MYRIP: variants seen among roughly 807,000 people sequenced by gnomAD.
MYRIP encodes the protein rab effector MyRIP.
MYRIP carries 49 observed loss-of-function variants against 98.0 expected under a neutral mutation model. That is an observed-to-expected ratio of 0.50 (90% CI 0.40 to 0.63). MYRIP has a LOEUF of 0.63. MYRIP is among the 30% of genes least tolerant of loss of function. The pLI, the probability that MYRIP is intolerant of heterozygous loss-of-function variation, is 0.00. For missense variants in MYRIP, 1,004 were observed against 1,058.2 expected (o/e 0.95, Z 0.71); for synonymous variants, 404 against 409.5 (o/e 0.99, Z 0.16).
chr3:40,031,601 A>G (rs1023314808), intron 2 of MYRIP, among the ~76,000 whole-genome samples: 1 of 152,144 alleles, frequency 6.6e-6, no homozygotes, highest in African/African-American at 2.4e-5. Context: ...CTACTGGCTT[A>G]GCGGATCTAC....
chr3:39,998,289 T>A (rs1273445420), intron 2 of MYRIP, among the ~76,000 whole-genome samples: 3 of 152,188 alleles, frequency 2.0e-5, no homozygotes, highest in African/African-American at 7.2e-5. Flanking sequence ...AACACCATCA[T>A]CTCAGCCCAA....
intron 2 of MYRIP, among the ~76,000 whole-genome samples, chr3:39,913,044 A>AAC (rs1944064001): frequency 6.6e-6 from 1 of 151,970 alleles, no homozygotes; most frequent in Non-Finnish European, 1.5e-5. Context: ...CATCTTAAAA[A>AAC]AAATTATTTA....
intron 10 of MYRIP, among the ~76,000 whole-genome samples, chr3:40,204,109 A>T (rs1176249439): frequency 9.2e-5 from 2 of 21,662 alleles, no homozygotes; most frequent in African/African-American, 1.4e-4. Flanking sequence ...ATATTATATA[A>T]TATATAAATA....
intron 3 of MYRIP, among the ~76,000 whole-genome samples, chr3:40,135,174 A>G (rs1406849051): frequency 6.6e-6 from 1 of 152,238 alleles, no homozygotes; most frequent in Non-Finnish European, 1.5e-5. Context: ...TAACCAATGC[A>G]GAGAAGTCCT....
intron 2 of MYRIP, among the ~76,000 whole-genome samples, chr3:40,035,060 C>T (rs1188371941): frequency 2.7e-4 from 30 of 112,470 alleles, no homozygotes; most frequent in Non-Finnish European, 1.0e-4. Flanking sequence ...ACATTACACT[C>T]TGGGGACTGT....
At chr3:40,109,355 A>T (rs993300309) in intron 3 of MYRIP, among the ~76,000 whole-genome samples, 2 of 152,184 alleles carry the variant, frequency 1.3e-5, no homozygotes, top group African/African-American at 4.8e-5. Flanking sequence ...GATGAGAGAG[A>T]CTTAGTCGAG....
chr3:40,120,871 T>C (rs1467078000), intron 3 of MYRIP, among the ~76,000 whole-genome samples: 1 of 152,240 alleles, frequency 6.6e-6, no homozygotes, highest in Non-Finnish European at 1.5e-5. Context: ...AGAAAGGTTA[T>C]ATTCAAATGT....
At chr3:40,214,992 A>G (rs1952073652) in intron 11 of MYRIP, among the ~76,000 whole-genome samples, 1 of 152,184 alleles carries the variant, frequency 6.6e-6, no homozygotes, top group Non-Finnish European at 1.5e-5. Context: ...AGTTGTAGAT[A>G]TGCGATAGAA....
chr3:40,044,363 G>C, intron 3 of MYRIP, 92 bp downstream of exon 3: 1 of 1,271,568 alleles, frequency 7.9e-7, no homozygotes, highest in Non-Finnish European at 1.1e-6. Flanking sequence ...AGCTATGATT[G>C]GTAGATCAAC....
intron 4 of MYRIP, 32 bp from the exon 5 acceptor site, chr3:40,162,698 T>A: frequency 1.9e-6 from 3 of 1,589,254 alleles, no homozygotes; most frequent in Non-Finnish European, 2.6e-6. Flanking sequence ...GATAATCATA[T>A]TCATTCTCTT....
intron 10 of MYRIP, among the ~76,000 whole-genome samples, chr3:40,201,900 G>A (rs1340473024): frequency 6.6e-6 from 1 of 152,136 alleles, no homozygotes; most frequent in Non-Finnish European, 1.5e-5. Flanking sequence ...AGACACCAGG[G>A]ACAGAAACGT....
intron 1 of MYRIP, among the ~76,000 whole-genome samples, chr3:39,886,745 C>T (rs1943313959): frequency 6.6e-6 from 1 of 150,904 alleles, no homozygotes; most frequent in Non-Finnish European, 1.5e-5. Context: ...TAATGGGAGA[C>T]TTTAACACCC....
chr3:40,074,443 A>G lies in MYRIP; in HGVS notation c.332+30172A>G, dbSNP rs80045281. On this transcript the variant is annotated intron_variant, in intron 3 of 16. Transcript: ENST00000302541. ...TTTTTAAGAAATAGAGAAAATTTAA[A>G]TGGTACATATTAAAATTAAAATATA... 6.0e-3 allele frequency among the ~76,000 whole-genome samples: 921 copies of G among 152,340 alleles called. 10 individuals carry two copies. The highest frequency in any genetic ancestry group is 0.021 in the African/African-American group (853 of 41,572).
At chr3:40,063,305 T>C (rs1021897304) in intron 3 of MYRIP, among the ~76,000 whole-genome samples, 4 of 152,192 alleles carry the variant, frequency 2.6e-5, no homozygotes, top group Admixed American at 6.5e-5. Flanking sequence ...TGTTTATGGA[T>C]AGTAGGGGAA....
intron 2 of MYRIP, among the ~76,000 whole-genome samples, chr3:39,915,944 A>G (rs1944148163): frequency 6.6e-6 from 1 of 151,988 alleles, no homozygotes; most frequent in African/African-American, 2.4e-5. Flanking sequence ...ACTATTATCA[A>G]CTGTTACCTA....
At chr3:40,128,290 C>A (rs964979246) in intron 3 of MYRIP, among the ~76,000 whole-genome samples, 3 of 152,204 alleles carry the variant, frequency 2.0e-5, no homozygotes, top group African/African-American at 4.8e-5. Context: ...GGCTAGACAA[C>A]ATATCTACCT....
chr3:40,186,979 C>T (rs565815695), intron 9 of MYRIP, among the ~76,000 whole-genome samples: 1 of 152,188 alleles, frequency 6.6e-6, no homozygotes, highest in Non-Finnish European at 1.5e-5. Flanking sequence ...TGCTAGCAAG[C>T]CACTCTTCTG....
intron 1 of MYRIP, among the ~76,000 whole-genome samples, chr3:39,880,181 A>G (rs1943124179): frequency 6.6e-6 from 1 of 152,126 alleles, no homozygotes; most frequent in African/African-American, 2.4e-5. Context: ...ATCATTAGGT[A>G]TATTTCCTAA....
intron 11 of MYRIP, among the ~76,000 whole-genome samples, chr3:40,228,826 C>T (rs2125694366): frequency 6.6e-6 from 1 of 152,320 alleles, no homozygotes; most frequent in East Asian, 1.9e-4. Flanking sequence ...CCAGCTAAGA[C>T]AGACACACAG....
Sources: allele counts gnomAD v4.1 joint callset (sites outside exome capture counted in the v4.1 genomes callset), GRCh38; gene constraint gnomAD v4.1.1; transcripts MANE v1.5; gene names NCBI Gene and HGNC (gene_info 2026-07-23, HGNC 2026-07-21).